The following TOX variants were observed in gnomAD, a reference collection of about 807,000 sequenced individuals.
TOX encodes thymocyte selection-associated high mobility group box protein TOX.
Under a neutral mutation model 53.7 loss-of-function variants are expected in TOX, and 11 were observed. That is an observed-to-expected ratio of 0.20 (90% CI 0.13 to 0.34). The LOEUF (loss-of-function observed/expected upper bound fraction) is 0.34, where lower values mean the gene tolerates loss of function less well. Among genes scored for constraint, TOX ranks in the 10% least tolerant of loss-of-function variants. The pLI, the probability that TOX is intolerant of heterozygous loss-of-function variation, is 1.00. For synonymous variants in TOX, 225 were observed against 245.3 expected (o/e 0.92, Z 0.77); for missense variants, 570 against 664.6 (o/e 0.86, Z 1.56).
chr8:59,114,803 A>G (rs1198868083), intron 1 of TOX, among the ~76,000 whole-genome samples: 11 of 152,162 alleles, frequency 7.2e-5, no homozygotes, highest in Admixed American at 6.5e-5. Context: ...CAAATCCTGT[A>G]TTTTTGATGA....
intron 4 of TOX, among the ~76,000 whole-genome samples, chr8:58,845,939 T>C (rs1810712596): frequency 6.6e-6 from 1 of 152,138 alleles, no homozygotes; most frequent in African/African-American, 2.4e-5. Flanking sequence ...TTACTTCTTA[T>C]TCTTTTGGAT....
intron 1 of TOX, among the ~76,000 whole-genome samples, chr8:59,115,315 A>C (rs1403338408): frequency 1.3e-5 from 2 of 152,218 alleles, no homozygotes; most frequent in East Asian, 3.8e-4. Context: ...CATCGTTGTA[A>C]AAATGAAAAA....
At chr8:59,114,927 T>A (rs1359655458) in intron 1 of TOX, among the ~76,000 whole-genome samples, 1 of 152,196 alleles carries the variant, frequency 6.6e-6, no homozygotes, top group African/African-American at 2.4e-5. Context: ...ATCAAATGTC[T>A]AATGTTTGTC....
chr8:58,944,121 A>G (rs914065322), intron 2 of TOX, among the ~76,000 whole-genome samples: 1 of 152,174 alleles, frequency 6.6e-6, no homozygotes, highest in Non-Finnish European at 1.5e-5. Flanking sequence ...GACACAAGAG[A>G]GTCGCGAGGT....
chr8:58,856,076 A>G (rs1810909965), intron 3 of TOX, among the ~76,000 whole-genome samples: 1 of 152,192 alleles, frequency 6.6e-6, no homozygotes, highest in South Asian at 2.1e-4. Context: ...TCTATCAACA[A>G]AGACTGAAGT....
At chr8:58,954,526 C>T (rs1289794910) in intron 2 of TOX, among the ~76,000 whole-genome samples, 2 of 152,166 alleles carry the variant, frequency 1.3e-5, no homozygotes, top group African/African-American at 4.8e-5. Context: ...CAAGGACATT[C>T]CTGGTGATGT....
chr8:58,986,011 G>A (rs1813321979), intron 1 of TOX, among the ~76,000 whole-genome samples: 1 of 152,148 alleles, frequency 6.6e-6, no homozygotes. Flanking sequence ...TATAATTTAT[G>A]TGCTCTGATT....
intron 1 of TOX, among the ~76,000 whole-genome samples, chr8:59,006,022 T>C (rs2129418440): frequency 6.6e-6 from 1 of 152,342 alleles, no homozygotes; most frequent in East Asian, 1.9e-4. Flanking sequence ...GCACACAGGA[T>C]CATGTACAGC....
chr8:58,813,544 C>T (rs1810121061), intron 7 of TOX, among the ~76,000 whole-genome samples: 1 of 152,082 alleles, frequency 6.6e-6, no homozygotes, highest in Non-Finnish European at 1.5e-5. Flanking sequence ...GCATGGATAC[C>T]CAAGTATGTC....
At chr8:59,077,299 C>G (rs766176030) in intron 1 of TOX, among the ~76,000 whole-genome samples, 4 of 152,206 alleles carry the variant, frequency 2.6e-5, no homozygotes, top group Non-Finnish European at 5.9e-5. Context: ...TTTCAGATAC[C>G]CAATGCCTAT....
intron 1 of TOX, among the ~76,000 whole-genome samples, chr8:59,105,537 T>A (rs1225982477): frequency 6.6e-6 from 1 of 152,194 alleles, no homozygotes; most frequent in Non-Finnish European, 1.5e-5. Context: ...ATAGTGATCA[T>A]CGGTACTGCA....
intron 4 of TOX, among the ~76,000 whole-genome samples, chr8:58,847,168 A>G (rs1355663352): frequency 1.3e-5 from 2 of 152,186 alleles, no homozygotes; most frequent in Non-Finnish European, 2.9e-5. Flanking sequence ...TTTCATAAAT[A>G]TTAATTCTCA....
chr8:58,963,314 T>G (rs62508382), intron 1 of TOX, among the ~76,000 whole-genome samples: 3,774 of 130,730 alleles, frequency 0.029, 94 homozygotes, highest in African/African-American at 0.075. Context: ...TAGATATATA[T>G]ATAGATAGAT....
At chr8:59,029,227 AC>A (rs975058716) in intron 1 of TOX, among the ~76,000 whole-genome samples, 1 of 88,974 alleles carries the variant, frequency 1.1e-5, no homozygotes, top group African/African-American at 4.3e-5. Flanking sequence ...GTCCCCACCC[AC>A]CCCCCATCCC....
chr8:59,018,796 G>T (rs1814063921), intron 1 of TOX, among the ~76,000 whole-genome samples: 1 of 152,044 alleles, frequency 6.6e-6, no homozygotes, highest in South Asian at 2.1e-4. Flanking sequence ...CTTTCTTGCT[G>T]ATTAAAAAAA....
At chr8:58,854,054 G>A (rs981339442) in intron 3 of TOX, among the ~76,000 whole-genome samples, 7 of 152,152 alleles carry the variant, frequency 4.6e-5, no homozygotes, top group South Asian at 2.1e-4. Flanking sequence ...CCTACAGGGG[G>A]GCAGTCTTCT....
intron 1 of TOX, among the ~76,000 whole-genome samples, chr8:59,067,174 A>G (rs1804108715): frequency 6.6e-6 from 1 of 152,232 alleles, no homozygotes; most frequent in South Asian, 2.1e-4. Context: ...AGTTAAAAAC[A>G]AATTTCCTAG....
At chr8:58,966,553 G>A (rs956498652) in intron 1 of TOX, among the ~76,000 whole-genome samples, 1 of 152,136 alleles carries the variant, frequency 6.6e-6, no homozygotes, top group Non-Finnish European at 1.5e-5. Flanking sequence ...GTGGGCAAAA[G>A]ATAGTGCTAG....
intron 3 of TOX, among the ~76,000 whole-genome samples, chr8:58,882,809 G>A (rs943130657): frequency 6.6e-6 from 1 of 152,130 alleles, no homozygotes; most frequent in Non-Finnish European, 1.5e-5. Context: ...GAGTGCATTG[G>A]GAAAAGAGTT....
Sources: gnomAD v4.1 joint callset for allele counts (sites outside exome capture counted in the v4.1 genomes callset) on GRCh38, gnomAD v4.1.1 for gene constraint, MANE v1.5 for transcripts, NCBI Gene and HGNC (gene_info 2026-07-23, HGNC 2026-07-21) for gene names.